NAAA: variants seen among roughly 807,000 people sequenced by gnomAD.
NAAA encodes the protein N-acylethanolamine acid amidase, also known as N-acylethanolamine-hydrolyzing acid amidase.
A neutral mutation model predicts 44.8 loss-of-function variants in NAAA; 39 were observed. That is an observed-to-expected ratio of 0.87 (90% CI 0.67 to 1.14). NAAA has a LOEUF of 1.14. Among genes scored for constraint, NAAA ranks in the 50% most tolerant of loss-of-function variants. The pLI is 0.00. For synonymous variants in NAAA, 178 were observed against 191.3 expected (o/e 0.93, Z 0.58); for missense variants, 460 against 467.8 (o/e 0.98, Z 0.15).
intron 2 of NAAA, among the ~76,000 whole-genome samples, chr4:75,939,155 G>A (rs1727993467): frequency 6.6e-6 from 1 of 151,860 alleles, no homozygotes; most frequent in African/African-American, 2.4e-5. Flanking sequence ...GCCCAGCCTG[G>A]ATGCACATTT....
intron 3 of NAAA, among the ~76,000 whole-genome samples, chr4:75,933,304 G>A (rs1164296771): frequency 1.3e-5 from 2 of 151,964 alleles, no homozygotes; most frequent in African/African-American, 4.8e-5. Flanking sequence ...TTATCTGCTT[G>A]TAAAAATAAT....
downstream of NAAA, chr4:75,911,321 C>A: frequency 3.9e-6 from 2 of 516,418 alleles, no homozygotes; most frequent in Non-Finnish European, 3.8e-6. Flanking sequence ...GGCTCAGAGG[C>A]CTGACAATCA....
rs1728214922 is a variant in NAAA, at chr4:75,940,822, ACC to A, written c.126_127del (p.Val43ProfsTer61). ...CACGGGCAGCCAGCGCAGCTCGGGG[ACC>A]GAGTCCAGGCTCACGTTGAAGCGCG... is the stretch of plus-strand genomic sequence containing the variant. On this transcript the variant is annotated frameshift_variant, in exon 1 of 11. Transcript: ENST00000286733. LOFTEE classifies it high-confidence loss of function. The A allele has an allele frequency of 3.8e-6, 6 of 1,597,186 alleles. No homozygotes were observed. The highest frequency in any genetic ancestry group is 3.3e-4 in the Middle Eastern group (2 of 6,042).
intron 4 of NAAA, among the ~76,000 whole-genome samples, chr4:75,929,597 T>C (rs908232423): frequency 1.3e-5 from 2 of 152,200 alleles, no homozygotes; most frequent in Admixed American, 6.5e-5. Context: ...TACATGTAAT[T>C]ATAGGCATTC....
chr4:75,929,612 A>C lies in NAAA; in HGVS notation c.589+1602T>G, dbSNP rs149837134. The stretch of plus-strand genomic sequence containing the variant: ...TACATGTAATTATAGGCATTCTATT[A>C]AAAACCTTAGTAATTGTCATGCTGT... On this transcript the variant is annotated intron_variant, in intron 4 of 10. Transcript: ENST00000286733. Among the ~76,000 whole-genome samples the C allele has an allele frequency of 3.1e-3, 467 of 152,330 alleles. 1 individual carries two copies. The highest frequency in any genetic ancestry group is 0.01 in the African/African-American group (428 of 41,568).
chr4:75,927,140 G>A (rs1307507000), intron 4 of NAAA, among the ~76,000 whole-genome samples: 1 of 152,052 alleles, frequency 6.6e-6, no homozygotes, highest in African/African-American at 2.4e-5. Flanking sequence ...ACAATGAGAT[G>A]CCACCTCACA....
chr4:75,923,602 T>C (rs2149257991), intron 5 of NAAA, among the ~76,000 whole-genome samples: 1 of 150,608 alleles, frequency 6.6e-6, no homozygotes, highest in East Asian at 2.0e-4. Flanking sequence ...TGCAGTGGTG[T>C]GATCTCGGCT....
intron 6 of NAAA, 67 bp from the exon 7 acceptor site, chr4:75,920,867 AC>A: frequency 1.2e-6 from 2 of 1,613,410 alleles, no homozygotes; most frequent in Admixed American, 1.7e-5. Flanking sequence ...AGACATATGA[AC>A]AAATTTAAAA....
chr4:75,927,336 T>G (rs1726793427), intron 4 of NAAA, among the ~76,000 whole-genome samples: 1 of 151,900 alleles, frequency 6.6e-6, no homozygotes, highest in African/African-American at 2.4e-5. Context: ...TCCCAGCTAC[T>G]CAGAAGGCTG....
downstream of NAAA, chr4:75,911,352 C>T (rs1242091876): frequency 9.9e-6 from 5 of 503,452 alleles, no homozygotes; most frequent in African/African-American, 5.9e-5. Flanking sequence ...TCTTCTTGCT[C>T]ACTGCACAGA....
rs1487253328 is a variant in NAAA, at chr4:75,922,359, CAG to C, written c.667-1238_667-1237del. ...TGCCACTGCACTCCAGCCTGGGTGA[CAG>C]AGTGAGACCCTGTCTCAAAAAAAAA... On this transcript the variant is annotated intron_variant, in intron 5 of 10. Coordinates refer to ENST00000286733, the MANE Select transcript of NAAA (RefSeq NM_014435.4). Among the ~76,000 whole-genome samples the C allele has an allele frequency of 3.4e-5, 5 of 145,486 alleles. No individual in the cohort carries two copies. The South Asian group carries it at 6.6e-4, about 19-fold the overall frequency.
chr4:75,914,133 C>A lies in NAAA; in HGVS notation c.*242G>T. 4.1e-6 allele frequency: 4 copies of A among 985,554 alleles called. No individual in the cohort carries two copies. In the South Asian group the frequency reaches 1.9e-4, roughly 46 times the overall value. 61.1% of individuals were successfully genotyped at this position (985,554 alleles called of 1,614,324 possible). ...GCCAGGATAGAAGCTTAGAGAGGAT[C>A]GAGGCAAACCATGAAGGGAAGGGAA... On this transcript the variant is annotated 3_prime_UTR_variant, in exon 11 of 11. Transcript: ENST00000286733.
intron 9 of NAAA, among the ~76,000 whole-genome samples, chr4:75,917,935 G>A (rs368530427): frequency 4.7e-4 from 71 of 152,268 alleles, no homozygotes; most frequent in African/African-American, 1.5e-3. Flanking sequence ...GAACAGCTTC[G>A]GAGATAGTGG....
At chr4:75,931,126 G>T in intron 4 of NAAA, 88 bp downstream of exon 4, 1 of 1,035,348 alleles carries the variant, frequency 9.7e-7, no homozygotes, top group Non-Finnish European at 1.5e-6. Flanking sequence ...TGGGTGTTCT[G>T]TATATTCTGT....
Position 75,920,969 on chromosome 4 carries a change from A to G in NAAA, c.821T>C (p.Leu274Pro). The change falls in exon 6 of 11, where the codon CTA becomes CCA. Residue 274 changes from leucine to proline, a missense_variant. By Grantham distance (98) the Leu-to-Pro change is moderately conservative. Transcript: ENST00000286733. ...TACTTACGCTCCATTCAAAGGATCT[A>G]GAGGCCAAATGTCTGCTGGGCCATC... ...NRDGPADIWP[L>P]DPLNGAWFRV... The G allele has an allele frequency of 3.7e-6, 6 of 1,613,574 alleles. No homozygotes were observed. The highest frequency in any genetic ancestry group is 4.2e-6 in the Non-Finnish European group (5 of 1,179,894).
At chr4:75,926,764 G>A (rs1408879364) in intron 4 of NAAA, among the ~76,000 whole-genome samples, 1 of 152,096 alleles carries the variant, frequency 6.6e-6, no homozygotes, top group Non-Finnish European at 1.5e-5. Flanking sequence ...CAACACTTTG[G>A]GAGGCCCAGG....
intron 9 of NAAA, chr4:75,916,510 C>T (rs1487152257): frequency 1.3e-5 from 2 of 152,198 alleles, no homozygotes; most frequent in Admixed American, 6.5e-5. Flanking sequence ...ACTGTTAACT[C>T]AGTAATCCTA....
intron 4 of NAAA, among the ~76,000 whole-genome samples, chr4:75,928,781 C>CTGCTTTT (rs1352047829): frequency 6.9e-6 from 1 of 144,652 alleles, no homozygotes; most frequent in Non-Finnish European, 1.5e-5. Flanking sequence ...ATTATCATCC[C>CTGCTTTT]TGCTTTTTTT....
intron 3 of NAAA, among the ~76,000 whole-genome samples, chr4:75,932,976 A>T (rs1300874260): frequency 5.9e-5 from 9 of 152,104 alleles, no homozygotes; most frequent in African/African-American, 1.9e-4. Context: ...CTCTACCAAA[A>T]ATACAAAAAT....
Sources: allele counts gnomAD v4.1 joint callset (sites outside exome capture counted in the v4.1 genomes callset), GRCh38; gene constraint gnomAD v4.1.1; transcripts MANE v1.5; gene names NCBI Gene and HGNC (gene_info 2026-07-23, HGNC 2026-07-21).